The following PTPRG variants were observed in gnomAD, a reference collection of about 807,000 sequenced individuals.
PTPRG encodes the protein receptor-type tyrosine-protein phosphatase gamma.
Under a neutral mutation model 165.3 loss-of-function variants are expected in PTPRG, and 102 were observed. The ratio of observed to expected loss-of-function variants is 0.62; its 90% CI spans 0.53 to 0.73. The LOEUF (loss-of-function observed/expected upper bound fraction) is 0.73. Among genes scored for constraint, PTPRG ranks in the 30% least tolerant of loss-of-function variants. The pLI, the probability that PTPRG is intolerant of heterozygous loss-of-function variation, is 0.00. For synonymous variants in PTPRG, 675 were observed against 669.5 expected (o/e 1.01, Z -0.13); for missense variants, 1,866 against 1,861.4 (o/e 1.00, Z -0.05).
chr3:62,100,127 C>T (rs1702240905), intron 5 of PTPRG, among the ~76,000 whole-genome samples: 1 of 151,944 alleles, frequency 6.6e-6, no homozygotes, highest in South Asian at 2.1e-4. Flanking sequence ...AGGTCACATA[C>T]CTAATAAGTG....
At chr3:61,991,761 C>T (rs1346700208) in intron 3 of PTPRG, among the ~76,000 whole-genome samples, 2 of 152,204 alleles carry the variant, frequency 1.3e-5, no homozygotes, top group African/African-American at 4.8e-5. Flanking sequence ...AAGACAATCA[C>T]TGGGCTCTCT....
chr3:61,797,240 TTTC>T (rs1559617115), intron 2 of PTPRG, among the ~76,000 whole-genome samples: 3 of 152,196 alleles, frequency 2.0e-5, no homozygotes, highest in Admixed American at 6.5e-5. Context: ...GATGCAGAAA[TTTC>T]TTCTTCACAT....
chr3:61,892,904 T>C (rs1575760000), intron 2 of PTPRG, among the ~76,000 whole-genome samples: 1 of 152,306 alleles, frequency 6.6e-6, no homozygotes, highest in Non-Finnish European at 1.5e-5. Context: ...GGGCTCACTT[T>C]GTTCAGTTTT....
At chr3:61,575,084 T>C (rs1700145267) in intron 1 of PTPRG, among the ~76,000 whole-genome samples, 1 of 152,226 alleles carries the variant, frequency 6.6e-6, no homozygotes, top group Non-Finnish European at 1.5e-5. Flanking sequence ...TAGCAGCGCA[T>C]AACTTTAGCG....
At chr3:62,175,205 A>G (rs1187523865) in intron 8 of PTPRG, among the ~76,000 whole-genome samples, 1 of 152,242 alleles carries the variant, frequency 6.6e-6, no homozygotes, top group African/African-American at 2.4e-5. Context: ...GTAGCATTAA[A>G]TATTTTGTAT....
At chr3:61,566,233 A>AGC (rs1699910779) in intron 1 of PTPRG, among the ~76,000 whole-genome samples, 1 of 152,238 alleles carries the variant, frequency 6.6e-6, no homozygotes, top group Non-Finnish European at 1.5e-5. Flanking sequence ...TCTCCCATTA[A>AGC]TTATGGACCT....
intron 1 of PTPRG, among the ~76,000 whole-genome samples, chr3:61,620,873 C>T (rs931643393): frequency 4.0e-5 from 6 of 151,882 alleles, no homozygotes; most frequent in Non-Finnish European, 5.9e-5. Flanking sequence ...TGGTGATCCT[C>T]CCACCTCAGC....
intron 1 of PTPRG, among the ~76,000 whole-genome samples, chr3:61,613,573 T>C (rs928213664): frequency 6.6e-6 from 1 of 152,198 alleles, no homozygotes; most frequent in African/African-American, 2.4e-5. Context: ...CAATCTTTGA[T>C]GAGATTCAGG....
intron 12 of PTPRG, among the ~76,000 whole-genome samples, chr3:62,204,917 T>C (rs1207528051): frequency 2.0e-5 from 3 of 152,176 alleles, no homozygotes; most frequent in Non-Finnish European, 4.4e-5. Context: ...TGAGGGCTTT[T>C]CTTAATAAGA....
Position 61,971,324 on chromosome 3 carries a change from TG to T in PTPRG, c.191-18299del, listed in dbSNP as rs61618082. Among the ~76,000 whole-genome samples the T allele has an allele frequency of 8.8e-3, 1,341 of 152,324 alleles. 125 individuals carry two copies. In the East Asian group the frequency reaches 0.2, roughly 23 times the overall value. ...GCTTATCATCATGGAAGTACTTACC[TG>T]GCCATATCTGAGTGAAGGACAGTTG... On this transcript the variant is annotated intron_variant, in intron 2 of 29. Transcript: ENST00000474889.
chr3:62,237,758 C>G lies in PTPRG; in HGVS notation c.2376-6049C>G, dbSNP rs781073661. ...TACTTGCACATTGCTACCATCAGGG[C>G]TTCAGACACTGTACAGATCTGGACC... is the stretch of plus-strand genomic sequence containing the variant. On this transcript the variant is annotated intron_variant, in intron 14 of 29. Coordinates refer to ENST00000474889, the MANE Select transcript of PTPRG (RefSeq NM_002841.4). The surrounding 1 kb of genome is among the most constrained non-coding windows in gnomAD (Gnocchi z 4.5). Among the ~76,000 whole-genome samples the G allele has an allele frequency of 2.0e-5, 3 of 152,192 alleles. No homozygotes were observed. Among genetic ancestry groups the G allele is most frequent in the Non-Finnish European group, 4.4e-5 (3 of 68,040 alleles).
At chr3:62,118,460 A>G (rs1426453193) in intron 5 of PTPRG, 6 of 152,232 alleles carry the variant, frequency 3.9e-5, no homozygotes, top group Admixed American at 3.9e-4. Context: ...GTGTTTAACC[A>G]GTTAAGAGCA....
intron 4 of PTPRG, among the ~76,000 whole-genome samples, chr3:62,058,979 G>A (rs1700719750): frequency 6.6e-6 from 1 of 152,126 alleles, no homozygotes; most frequent in Admixed American, 6.5e-5. Flanking sequence ...TCTGCTCTTG[G>A]TAGGCAGACG....
In PTPRG at chr3:62,277,023, A is replaced by G; in HGVS notation, c.3611A>G (p.Asp1204Gly). The G allele has an allele frequency of 6.2e-7, 1 of 1,612,892 alleles. No homozygotes were observed. Among genetic ancestry groups the G allele is most frequent in the Non-Finnish European group, 8.5e-7 (1 of 1,179,136 alleles). ...CCATTGCCTGGAATGAAAGGAACAG[A>G]TTACATTAATGCTTCTTATATCATG... ...LAPLPGMKGT[D>G]YINASYIMGY... Residue 1204 changes from aspartate to glycine, a missense_variant, in exon 25 of 30, where the codon GAT (aspartate) becomes GGT (glycine). Transcript: ENST00000474889.
chr3:62,113,972 C>G (rs1702764950), intron 5 of PTPRG, among the ~76,000 whole-genome samples: 1 of 152,160 alleles, frequency 6.6e-6, no homozygotes, highest in Non-Finnish European at 1.5e-5. Flanking sequence ...ATGCCCGTAT[C>G]CACTTATCCA....
chr3:62,094,966 G>A (rs1702061689), intron 5 of PTPRG, among the ~76,000 whole-genome samples: 1 of 152,196 alleles, frequency 6.6e-6, no homozygotes, highest in African/African-American at 2.4e-5. Flanking sequence ...ATGCAGAATG[G>A]TAATCTACCT....
At chr3:62,034,038 T>C (rs894503331) in intron 4 of PTPRG, among the ~76,000 whole-genome samples, 1 of 152,210 alleles carries the variant, frequency 6.6e-6, no homozygotes, top group African/African-American at 2.4e-5. Context: ...ATTGCTGGGA[T>C]TACAGGCATG....
At chr3:61,920,632 G>A (rs2039055291) in intron 2 of PTPRG, among the ~76,000 whole-genome samples, 1 of 152,136 alleles carries the variant, frequency 6.6e-6, no homozygotes, top group African/African-American at 2.4e-5. Context: ...CTGACCTCTT[G>A]ATCCGCCTGC....
chr3:62,296,367 T>C lies in PTPRG; in HGVS notation c.*3060T>C, dbSNP rs954969702. On this transcript the variant is annotated 3_prime_UTR_variant, in exon 30 of 30. Transcript: ENST00000474889. The stretch of plus-strand genomic sequence containing the variant: ...GTGACATACTGAAATCAGTAAATAA[T>C]TATTTTATAATGACACAGCACAACT... The C allele has an allele frequency of 6.6e-6, 1 of 152,002 alleles. No individual in the cohort carries two copies. Among genetic ancestry groups the C allele is most frequent in the African/African-American group, 2.4e-5 (1 of 41,394 alleles). 9.4% of individuals were successfully genotyped at this position (152,002 alleles called of 1,614,324 possible).
Sources: gnomAD v4.1 joint callset for allele counts (sites outside exome capture counted in the v4.1 genomes callset) on GRCh38, gnomAD v4.1.1 for gene constraint, Gnocchi (gnomAD v3.1) non-coding constraint, MANE v1.5 for transcripts, NCBI Gene and HGNC (gene_info 2026-07-23, HGNC 2026-07-21) for gene names.